The following SGK1 variants were observed in gnomAD, a reference collection of about 807,000 sequenced individuals.
SGK1 encodes serine/threonine-protein kinase Sgk1.
In SGK1, 26 loss-of-function variants were observed where a neutral mutation model predicts 64.2. The observed-to-expected ratio is 0.40, with a 90% CI of 0.30 to 0.56. The LOEUF is 0.56. Among genes scored for constraint, SGK1 ranks in the 20% least tolerant of loss-of-function variants. The pLI is 0.38. For missense variants in SGK1, 519 were observed against 645.6 expected (o/e 0.80, Z 2.12); for synonymous variants, 265 against 239.7 (o/e 1.11, Z -0.98).
rs1041616474 is a variant in SGK1 at position 134,220,798 on chromosome 6, A to G, written c.286-13367T>C. On this transcript the variant is annotated intron_variant, in intron 2 of 13. Transcript: ENST00000367858. Reference sequence around the variant, plus strand: ...ATTTTTTGATAGAAGCCTGGCCAACATGGCAAAACGCCATCTCTACTAAAA... The same window carrying G: ...ATTTTTTGATAGAAGCCTGGCCAACGTGGCAAAACGCCATCTCTACTAAAA... 4.6e-5 allele frequency among the ~76,000 whole-genome samples: 7 copies of G among 151,984 alleles called. No individual in the cohort carries two copies. In the East Asian group the frequency reaches 1.4e-3, roughly 29 times the overall value.
At chr6:134,294,203 A>G (rs1777306900) in intron 1 of SGK1, among the ~76,000 whole-genome samples, 1 of 152,108 alleles carries the variant, frequency 6.6e-6, no homozygotes, top group Admixed American at 6.5e-5. Context: ...CATCTAATAT[A>G]CTGTGCTGTA....
intron 3 of SGK1, among the ~76,000 whole-genome samples, chr6:134,199,197 A>C (rs1005178932): frequency 6.6e-6 from 1 of 152,184 alleles, no homozygotes; most frequent in Non-Finnish European, 1.5e-5. Flanking sequence ...AGAAAAGATA[A>C]CTATTGGATA....
rs140502335 is a variant in SGK1, at chr6:134,267,730, C to T, written c.70-5582G>A. ...ATTTTAAACAGTATGAGCCAGGATA[C>T]TATCGGATACTCCCTCTCTGTCCAC... On this transcript the variant is annotated intron_variant, in intron 1 of 13. Transcript: ENST00000367858. Among the ~76,000 whole-genome samples, 923 of 152,260 alleles carry T rather than the reference C, an allele frequency of 6.1e-3. 7 individuals carry two copies. Among genetic ancestry groups the T allele is most frequent in the Non-Finnish European group, 9.2e-3 (629 of 68,022 alleles).
intron 3 of SGK1, among the ~76,000 whole-genome samples, chr6:134,195,907 CA>C (rs1775587917): frequency 6.6e-6 from 1 of 152,114 alleles, no homozygotes; most frequent in South Asian, 2.1e-4. Flanking sequence ...AATGATAAAA[CA>C]AAATGCATTC....
intron 3 of SGK1, among the ~76,000 whole-genome samples, chr6:134,193,294 A>T (rs1001389953): frequency 1.4e-4 from 21 of 152,214 alleles, no homozygotes; most frequent in African/African-American, 5.1e-4. Flanking sequence ...TTGTAACTTT[A>T]AGTGAAATAA....
chr6:134,308,649 C>CCG (rs1257074053), intron 1 of SGK1, among the ~76,000 whole-genome samples: 1 of 152,070 alleles, frequency 6.6e-6, no homozygotes, highest in South Asian at 2.1e-4. Context: ...CTCCACCCCC[C>CCG]GGGTTCAAGT....
At chr6:134,205,588 C>T (rs1775756454) in intron 3 of SGK1, among the ~76,000 whole-genome samples, 1 of 152,198 alleles carries the variant, frequency 6.6e-6, no homozygotes, top group African/African-American at 2.4e-5. Context: ...TCCTAAGAAG[C>T]GTGCTATAGA....
chr6:134,231,909 A>G (rs1776283204), intron 2 of SGK1, among the ~76,000 whole-genome samples: 2 of 151,874 alleles, frequency 1.3e-5, no homozygotes, highest in South Asian at 4.2e-4. Flanking sequence ...GCGTGGTGGC[A>G]GAAGCCTGTA....
chr6:134,172,109 C>G, intron 10 of SGK1, 84 bp downstream of exon 10: 1 of 1,477,280 alleles, frequency 6.8e-7, no homozygotes, highest in Non-Finnish European at 9.2e-7. Flanking sequence ...GGAGTTTACT[C>G]TTTTTGGTAG....
At chr6:134,200,837 G>A (rs1775668552) in intron 3 of SGK1, among the ~76,000 whole-genome samples, 1 of 152,014 alleles carries the variant, frequency 6.6e-6, no homozygotes, top group African/African-American at 2.4e-5. Context: ...CCAGTAGGCT[G>A]AGGCTACAGT....
chr6:134,289,693 A>G (rs1777235175), intron 1 of SGK1, among the ~76,000 whole-genome samples: 1 of 152,118 alleles, frequency 6.6e-6, no homozygotes, highest in Non-Finnish European at 1.5e-5. Flanking sequence ...CAGGTGCTCA[A>G]TAGTCACATG....
At chr6:134,227,409 C>T (rs112274230) in intron 2 of SGK1, among the ~76,000 whole-genome samples, 5,197 of 152,312 alleles carry the variant, frequency 0.034, 279 homozygotes, top group African/African-American at 0.12. Flanking sequence ...GCTGGGATTA[C>T]AGGCGTGGGC....
At chr6:134,268,942 C>T (rs1473414822) in intron 1 of SGK1, among the ~76,000 whole-genome samples, 42 of 121,514 alleles carry the variant, frequency 3.5e-4, no homozygotes, top group African/African-American at 1.3e-3. Flanking sequence ...AATGTCTTTA[C>T]TTGGAAAAAA....
Position 134,169,598 on chromosome 6 carries a change from T to C in SGK1, c.*670A>G, listed in dbSNP as rs986350031. The C allele has an allele frequency of 6.6e-6, 1 of 152,664 alleles. No individual in the cohort carries two copies. The highest frequency in any genetic ancestry group is 2.4e-5 in the African/African-American group (1 of 41,460). 9.5% of individuals were successfully genotyped at this position (152,664 alleles called of 1,614,324 possible). On this transcript the variant is annotated 3_prime_UTR_variant, in exon 14 of 14. Transcript: ENST00000367858. Reference sequence around the variant, plus strand: ...AAAACCCTTTCTAAAAATAGAAATATTTGTAGCAGCAATGCTTTCTTTAAG... The same window carrying C: ...AAAACCCTTTCTAAAAATAGAAATACTTGTAGCAGCAATGCTTTCTTTAAG...
At chr6:134,242,410 T>C (rs1408073326) in intron 2 of SGK1, among the ~76,000 whole-genome samples, 1 of 151,672 alleles carries the variant, frequency 6.6e-6, no homozygotes, top group Non-Finnish European at 1.5e-5. Flanking sequence ...CGCTTGAACC[T>C]GGGAGGCGGA....
At chr6:134,299,074 C>T (rs1777406798) in intron 1 of SGK1, among the ~76,000 whole-genome samples, 2 of 152,054 alleles carry the variant, frequency 1.3e-5, no homozygotes, top group East Asian at 3.9e-4. Flanking sequence ...GCTGGGATTA[C>T]AGGTGTGAGC....
chr6:134,174,294 G>A, intron 4 of SGK1: 1 of 603,162 alleles, frequency 1.7e-6, no homozygotes, highest in Non-Finnish European at 2.9e-6. Context: ...CGTGAATTCG[G>A]CCAACACGAA....
rs1775036748 is a variant in SGK1 at position 134,171,837 on chromosome 6, A to C, written c.1072-105T>G. On this transcript the variant is annotated intron_variant, in intron 10 of 13. Coordinates refer to ENST00000367858, the MANE Select transcript of SGK1 (RefSeq NM_001143676.3). Reference sequence around the variant, plus strand: ...GCTGAGAGACCCAGAGCCAGCTTGGAAGATAGATATCTTTAGATTCCTTCC... The same window carrying C: ...GCTGAGAGACCCAGAGCCAGCTTGGCAGATAGATATCTTTAGATTCCTTCC... The C allele has an allele frequency of 4.1e-6, 3 of 732,198 alleles. No individual in the cohort carries two copies. The East Asian group carries it at 8.1e-5, about 20-fold the overall frequency. The allele number at this position is 732,198 out of a possible 1,614,324, so 45.4% of individuals were successfully genotyped here.
Position 134,280,198 on chromosome 6 carries a change from C to CAA in SGK1, c.70-18052_70-18051dup, listed in dbSNP as rs1228218844. On this transcript the variant is annotated intron_variant, in intron 1 of 13. Transcript: ENST00000367858. ...CAACAGGCAGAATGAGACACTGTCT[C>CAA]AAAAAAAAAAAAAAAAAAAAAGTTG... Among the ~76,000 whole-genome samples the CAA allele has an allele frequency of 5.8e-3, 369 of 64,164 alleles. 4 individuals carry two copies. The highest frequency in any genetic ancestry group is 0.02 in the African/African-American group (313 of 15,652). 42.1% of individuals were successfully genotyped at this position (64,164 alleles called of 152,430 possible).
Sources: gnomAD v4.1 joint callset for allele counts (sites outside exome capture counted in the v4.1 genomes callset) on GRCh38, gnomAD v4.1.1 for gene constraint, MANE v1.5 for transcripts, NCBI Gene and HGNC (gene_info 2026-07-23, HGNC 2026-07-21) for gene names.